CGNL1: variants seen among roughly 807,000 people sequenced by gnomAD.
The protein encoded by CGNL1 is cingulin like 1.
CGNL1 carries 132 observed loss-of-function variants against 141.2 expected under a neutral mutation model. The ratio of observed to expected loss-of-function variants is 0.93; its 90% CI spans 0.81 to 1.08. The LOEUF is 1.08. Among genes scored for constraint, CGNL1 ranks in the 50% least tolerant of loss-of-function variants. CGNL1 has a pLI of 0.00. For missense variants in CGNL1, 1,870 were observed against 1,588.6 expected, an observed-to-expected ratio of 1.18 and a Z score of -3.01; for synonymous variants, 690 against 622.1, an observed-to-expected ratio of 1.11 and a Z score of -1.63.
At chr15:57,399,743 C>T (rs1023920684) in intron 1 of CGNL1, among the ~76,000 whole-genome samples, 11 of 151,970 alleles carry the variant, frequency 7.2e-5, no homozygotes, top group Non-Finnish European at 1.3e-4. Context: ...GGGGCTCATG[C>T]CTGTAATCCT....
In CGNL1 at chr15:57,416,210, TTTTTTA is replaced by T. The variant is rs1266179098; in HGVS notation, c.-15-21774_-15-21769del. Among the ~76,000 whole-genome samples, 5 of 141,740 alleles carry T rather than the reference TTTTTTA, an allele frequency of 3.5e-5. No homozygotes were observed. In the South Asian group the frequency reaches 1.2e-3, roughly 34 times the overall value. The allele number at this position is 141,740 out of a possible 152,430, so 93.0% of individuals were successfully genotyped here. A position where few individuals can be genotyped will look rare whatever the true frequency, so the allele number is the denominator to read the frequency against. On this transcript the variant is annotated intron_variant, in intron 1 of 18. Coordinates refer to ENST00000281282, the MANE Select transcript of CGNL1 (RefSeq NM_032866.5). ...GATTTGCTCAGTGTTTTTTTTTTTT[TTTTTTA>T]AATTGTAAGGATGAGTGTAACAACT...
chr15:57,476,645 C>T (rs1245938751), intron 8 of CGNL1, among the ~76,000 whole-genome samples: 2 of 152,078 alleles, frequency 1.3e-5, no homozygotes, highest in Non-Finnish European at 2.9e-5. Context: ...TCACGGTGAC[C>T]ACACGTTAGA....
At position 57,376,585 on chromosome 15, in the gene CGNL1, T is replaced by TGGAGC. The variant is rs1412641322; in HGVS notation, c.-16+21_-16+25dup. On this transcript the variant is annotated intron_variant, in intron 1 of 18. Transcript: ENST00000281282. ...CGGCGGCGGTGAGTGAGCTCCGGGCTGGAGCGGGGCGGGGTGTGCGCCGGC... is the reference window on the plus strand; with the variant it reads ...CGGCGGCGGTGAGTGAGCTCCGGGCTGGAGCGGAGCGGGGCGGGGTGTGCGCCGGC... 6.5e-6 allele frequency: 1 copy of TGGAGC among 153,460 alleles called. No individual in the cohort carries two copies. Among genetic ancestry groups the TGGAGC allele is most frequent in the Non-Finnish European group, 1.5e-5 (1 of 68,902 alleles). The allele number at this position is 153,460 out of a possible 1,614,324, so 9.5% of individuals were successfully genotyped here.
At chr15:57,380,751 A>C (rs1383463180) in intron 1 of CGNL1, among the ~76,000 whole-genome samples, 1 of 152,188 alleles carries the variant, frequency 6.6e-6, no homozygotes. Flanking sequence ...GAGTCTACTG[A>C]ACAGGGGTAC....
At position 57,548,275 on chromosome 15, in the gene CGNL1, A is replaced by T. The variant is rs1201126341; in HGVS notation, c.*785A>T. On this transcript the variant is annotated 3_prime_UTR_variant, in exon 19 of 19. Transcript: ENST00000281282. ...CTCAGCCTCCCAAAGTGCTGAGATTACAGGCATGAGCCACCACGCCCAGCC... is the reference window on the plus strand; with the variant it reads ...CTCAGCCTCCCAAAGTGCTGAGATTTCAGGCATGAGCCACCACGCCCAGCC... 1.3e-5 allele frequency: 2 copies of T among 152,242 alleles called. No individual in the cohort carries two copies. The highest frequency in any genetic ancestry group is 4.8e-5 in the African/African-American group (2 of 41,446). The allele number at this position is 152,242 out of a possible 1,614,324, so 9.4% of individuals were successfully genotyped here. A position where few individuals can be genotyped will look rare whatever the true frequency, so the allele number is the denominator to read the frequency against.
At chr15:57,396,192 A>C (rs779186337) in intron 1 of CGNL1, among the ~76,000 whole-genome samples, 3 of 151,648 alleles carry the variant, frequency 2.0e-5, no homozygotes, top group African/African-American at 4.9e-5. Context: ...AATATGCCTC[A>C]CTGTTGATCT....
At chr15:57,390,615 C>T (rs959408531) in intron 1 of CGNL1, among the ~76,000 whole-genome samples, 1 of 152,150 alleles carries the variant, frequency 6.6e-6, no homozygotes, top group Non-Finnish European at 1.5e-5. Flanking sequence ...TTGGGCCAAA[C>T]TAGCCTTTTG....
intron 8 of CGNL1, among the ~76,000 whole-genome samples, chr15:57,467,835 G>T (rs964556339): frequency 1.3e-5 from 2 of 151,748 alleles, no homozygotes; most frequent in African/African-American, 4.8e-5. Context: ...GATTACAGGC[G>T]CCTGCCACCA....
chr15:57,499,951 GTCGTTCTGGGC>G (rs2063998616), intron 8 of CGNL1, among the ~76,000 whole-genome samples: 2 of 152,146 alleles, frequency 1.3e-5, no homozygotes, highest in South Asian at 4.1e-4. Context: ...TGTGTTGGGA[GTCGTTCTGGGC>G]TCTGAGCTGT....
chr15:57,399,954 G>A (rs2152247831), intron 1 of CGNL1, among the ~76,000 whole-genome samples: 1 of 150,594 alleles, frequency 6.6e-6, no homozygotes, highest in East Asian at 1.9e-4. Flanking sequence ...AAGTCTCCTT[G>A]TTCCTACCCT....
chr15:57,443,000 G>A (rs142962499), intron 4 of CGNL1, among the ~76,000 whole-genome samples: 9 of 152,260 alleles, frequency 5.9e-5, no homozygotes, highest in African/African-American at 1.7e-4. Context: ...ACAAACAGAT[G>A]GCGAGATTTA....
In CGNL1 at chr15:57,516,462, G is replaced by A. The variant is rs146017275; in HGVS notation, c.2404-318G>A. On this transcript the variant is annotated intron_variant, in intron 8 of 18. Transcript: ENST00000281282. ...AACTTTTTCTATGAAGAGCCAGAGAGTCAACATTTTAGGCTTTGTGACACC... is the reference window on the plus strand; with the variant it reads ...AACTTTTTCTATGAAGAGCCAGAGAATCAACATTTTAGGCTTTGTGACACC... Among the ~76,000 whole-genome samples the A allele has an allele frequency of 7.6e-4, 116 of 152,302 alleles. 1 individual carries two copies. The highest frequency in any genetic ancestry group is 2.5e-3 in the African/African-American group (104 of 41,570).
At chr15:57,416,401 C>T (rs1199260626) in intron 1 of CGNL1, among the ~76,000 whole-genome samples, 1 of 152,090 alleles carries the variant, frequency 6.6e-6, no homozygotes, top group East Asian at 1.9e-4. Context: ...TCTTCAAAGT[C>T]GTCAGGAACA....
At chr15:57,410,001 A>G (rs1247581410) in intron 1 of CGNL1, among the ~76,000 whole-genome samples, 30 of 152,226 alleles carry the variant, frequency 2.0e-4, no homozygotes, top group Admixed American at 6.5e-5. Context: ...GGAAGATTAA[A>G]GGCACAAGCC....
At chr15:57,471,825 T>C (rs1223535412) in intron 8 of CGNL1, among the ~76,000 whole-genome samples, 1 of 152,240 alleles carries the variant, frequency 6.6e-6, no homozygotes, top group East Asian at 1.9e-4. Flanking sequence ...AGTTCATTTA[T>C]GGTCATTAAT....
At chr15:57,441,238 T>C (rs1456245361) in intron 3 of CGNL1, among the ~76,000 whole-genome samples, 1 of 151,038 alleles carries the variant, frequency 6.6e-6, no homozygotes, top group African/African-American at 2.4e-5. Context: ...ACAGGGGATC[T>C]TTTGAAAGGG....
At chr15:57,440,498 A>G (rs781124470) in intron 3 of CGNL1, 27 bp downstream of exon 3, 6 of 1,493,784 alleles carry the variant, frequency 4.0e-6, no homozygotes, top group Non-Finnish European at 5.5e-6. Flanking sequence ...CTGAAAGAGC[A>G]AAGTATTGTT....
intron 8 of CGNL1, among the ~76,000 whole-genome samples, chr15:57,472,080 GA>G (rs1470099523): frequency 6.6e-6 from 1 of 151,648 alleles, no homozygotes; most frequent in Non-Finnish European, 1.5e-5. Flanking sequence ...TCAGAAAAAA[GA>G]AAAAAATATA....
At chr15:57,476,312 G>A (rs962121890) in intron 8 of CGNL1, among the ~76,000 whole-genome samples, 2 of 152,190 alleles carry the variant, frequency 1.3e-5, no homozygotes, top group Admixed American at 6.5e-5. Flanking sequence ...CATTCTAGAC[G>A]CAGGGAACTT....
Sources: allele counts gnomAD v4.1 joint callset (sites outside exome capture counted in the v4.1 genomes callset), GRCh38; gene constraint gnomAD v4.1.1; transcripts MANE v1.5; gene names NCBI Gene and HGNC (gene_info 2026-07-23, HGNC 2026-07-21).